Variants in ARL6IP6 observed in about 807,000 individuals in gnomAD.
ARL6IP6 encodes ADP-ribosylation factor-like protein 6-interacting protein 6.
Under a neutral mutation model 21.5 loss-of-function variants are expected in ARL6IP6, and 22 were observed. The ratio of observed to expected loss-of-function variants is 1.02; its 90% CI spans 0.73 to 1.46. ARL6IP6 has a LOEUF of 1.46. Among genes scored for constraint, ARL6IP6 ranks in the 40% most tolerant of loss-of-function variants. The probability of loss-of-function intolerance (pLI) is 0.00; values close to 1 mark genes in which losing one functional copy is unlikely to be tolerated. For missense variants in ARL6IP6, 388 were observed against 299.8 expected, an observed-to-expected ratio of 1.29 and a Z score of -2.17; for synonymous variants, 164 against 125.3, an observed-to-expected ratio of 1.31 and a Z score of -2.06.
At chr2:152,736,346 A>G (rs1243369331) in intron 3 of ARL6IP6, among the ~76,000 whole-genome samples, 2 of 152,208 alleles carry the variant, frequency 1.3e-5, no homozygotes, top group Non-Finnish European at 1.5e-5. Context: ...ACTTCCCTGA[A>G]TTCTAGCCAC....
intron 3 of ARL6IP6, among the ~76,000 whole-genome samples, chr2:152,737,257 A>T (rs1256544992): frequency 6.6e-6 from 1 of 152,138 alleles, no homozygotes; most frequent in Non-Finnish European, 1.5e-5. Flanking sequence ...TCCCTGGATT[A>T]TCATTTTCCC....
rs375480877 is a variant in ARL6IP6 at position 152,720,504 on chromosome 2, C to T, written c.401-29C>T. 37 of 1,606,124 alleles carry T rather than the reference C, an allele frequency of 2.3e-5. No individual in the cohort carries two copies. The African/African-American group carries it at 4.8e-4, about 21-fold the overall frequency. On this transcript the variant is annotated intron_variant, in intron 1 of 3. Transcript: ENST00000326446. ...ACTTTTCAAATTATAGTATTGCTTT[C>T]CTACCTAAGTCCCTCTTTGTATTTG...
rs1320590828 is a variant in ARL6IP6 at position 152,761,570 on chromosome 2, C to T, written c.*1730C>T. Among the ~76,000 whole-genome samples, 1 of 152,162 alleles carries T rather than the reference C, an allele frequency of 6.6e-6. No homozygotes were observed. Among genetic ancestry groups the T allele is most frequent in the Non-Finnish European group, 1.5e-5 (1 of 68,036 alleles). On this transcript the variant is annotated 3_prime_UTR_variant, in exon 4 of 4. Transcript: ENST00000326446. Reference sequence around the variant, plus strand: ...ATGTACACCCTAGACAGTCATGTGCCATATAACAACGTTTTGGTCACAACG... The same window carrying T: ...ATGTACACCCTAGACAGTCATGTGCTATATAACAACGTTTTGGTCACAACG...
chr2:152,718,622 G>C lies in ARL6IP6; in HGVS notation c.-3G>C. The C allele has an allele frequency of 6.6e-7, 1 of 1,518,908 alleles. No homozygotes were observed. The highest frequency in any genetic ancestry group is 8.8e-7 in the Non-Finnish European group (1 of 1,132,896). The allele number at this position is 1,518,908 out of a possible 1,614,324, so 94.1% of individuals were successfully genotyped here. A position where few individuals can be genotyped will look rare whatever the true frequency, so the allele number is the denominator to read the frequency against. On this transcript the variant is annotated 5_prime_UTR_variant, in exon 1 of 4. Coordinates refer to ENST00000326446, the MANE Select transcript of ARL6IP6 (RefSeq NM_152522.7). ...CTCCGCGGGTTTCGTTGTGTTTCGCGCCATGTCGTTTGCTGAGAGCGGGTG... is the reference window on the plus strand; with the variant it reads ...CTCCGCGGGTTTCGTTGTGTTTCGCCCCATGTCGTTTGCTGAGAGCGGGTG...
At chr2:152,735,835 A>G (rs999960856) in intron 3 of ARL6IP6, among the ~76,000 whole-genome samples, 2 of 148,000 alleles carry the variant, frequency 1.4e-5, no homozygotes, top group African/African-American at 2.5e-5. Context: ...AATACTTACT[A>G]TTGTTACTAC....
intron 3 of ARL6IP6, among the ~76,000 whole-genome samples, chr2:152,741,143 C>T (rs1416146770): frequency 6.6e-6 from 1 of 151,874 alleles, no homozygotes; most frequent in Non-Finnish European, 1.5e-5. Context: ...TTAATGTAAG[C>T]ATTTTTCCTA....
chr2:152,740,003 G>C lies in ARL6IP6; in HGVS notation c.587+4877G>C, dbSNP rs1211726945. 3.3e-5 allele frequency among the ~76,000 whole-genome samples: 5 copies of C among 152,280 alleles called. No homozygotes were observed. In the South Asian group the frequency reaches 6.2e-4, roughly 19 times the overall value. On this transcript the variant is annotated intron_variant, in intron 3 of 3. Transcript: ENST00000326446. ...CCATGATTCAATTACCTCCCACCAG[G>C]TCCCTCCCATGACGTGGGGATTATG...
intron 1 of ARL6IP6, 88 bp from the exon 2 acceptor site, chr2:152,720,445 C>A (rs771280532): frequency 7.5e-7 from 1 of 1,335,034 alleles, no homozygotes; most frequent in Non-Finnish European, 1.1e-6. Context: ...GAGCACTTTC[C>A]ACAGCTCCAC....
Position 152,718,973 on chromosome 2 carries a change from TTCGCCATTCTTCTCGCCTTCCTCC to T in ARL6IP6, c.357_380del (p.Leu120_Ile127del). ...CCTCTCTATTCTCTGCTCGCTGCTC[TTCGCCATTCTTCTCGCCTTCCTCC>T]TCGCCATCGCCTACTTGATCGTTAA... On this transcript the variant is annotated inframe_deletion, in exon 1 of 4. Coordinates refer to ENST00000326446, the MANE Select transcript of ARL6IP6 (RefSeq NM_152522.7). 9 of 1,591,754 alleles carry T rather than the reference TTCGCCATTCTTCTCGCCTTCCTCC, an allele frequency of 5.7e-6. No individual in the cohort carries two copies. Among genetic ancestry groups the T allele is most frequent in the Non-Finnish European group, 7.7e-6 (9 of 1,167,286 alleles).
chr2:152,741,930 T>G (rs934824247), intron 3 of ARL6IP6, among the ~76,000 whole-genome samples: 1 of 152,228 alleles, frequency 6.6e-6, no homozygotes, highest in Admixed American at 6.5e-5. Flanking sequence ...TGGTTGTTAT[T>G]AAAGGTTTGT....
intron 3 of ARL6IP6, 111 bp downstream of exon 3, chr2:152,735,237 T>C: frequency 1.7e-6 from 2 of 1,166,064 alleles, no homozygotes; most frequent in Non-Finnish European, 2.4e-6. Flanking sequence ...TTTCAGTCTT[T>C]ATAAAGCACT....
At chr2:152,730,003 T>C (rs1700231475) in intron 2 of ARL6IP6, among the ~76,000 whole-genome samples, 1 of 152,208 alleles carries the variant, frequency 6.6e-6, no homozygotes, top group African/African-American at 2.4e-5. Context: ...GCTTTTCTGC[T>C]TATTTGCAAA....
Position 152,761,590 on chromosome 2 carries a change from A to G in ARL6IP6, c.*1750A>G, listed in dbSNP as rs1701846687. Among the ~76,000 whole-genome samples, 1 of 152,204 alleles carries G rather than the reference A, an allele frequency of 6.6e-6. No homozygotes were observed. The highest frequency in any genetic ancestry group is 1.5e-5 in the Non-Finnish European group (1 of 68,046). On this transcript the variant is annotated 3_prime_UTR_variant, in exon 4 of 4. Coordinates refer to ENST00000326446, the MANE Select transcript of ARL6IP6 (RefSeq NM_152522.7). ...TGTGCCATATAACAACGTTTTGGTC[A>G]CAACGAACTGTACTTATGATAGTGA...
At chr2:152,718,522 AG>A, upstream of ARL6IP6, 2 of 1,459,750 alleles carry the variant, frequency 1.4e-6, no homozygotes, top group Non-Finnish European at 9.1e-7. Context: ...CTGGGCTCTG[AG>A]GCCTGGTGGT....
At chr2:152,731,610 A>T (rs1170301495) in intron 2 of ARL6IP6, among the ~76,000 whole-genome samples, 1 of 152,076 alleles carries the variant, frequency 6.6e-6, no homozygotes, top group Non-Finnish European at 1.5e-5. Context: ...ACCTGACTGA[A>T]TTTTTTTATT....
At chr2:152,725,719 A>G (rs1239142387) in intron 2 of ARL6IP6, among the ~76,000 whole-genome samples, 1 of 152,034 alleles carries the variant, frequency 6.6e-6, no homozygotes, top group Non-Finnish European at 1.5e-5. Flanking sequence ...TGGAAGTGGT[A>G]TTTACAAGAT....
chr2:152,735,060 T>C lies in ARL6IP6; in HGVS notation c.521T>C (p.Val174Ala). 1.9e-6 allele frequency: 3 copies of C among 1,613,490 alleles called. No individual in the cohort carries two copies. The highest frequency in any genetic ancestry group is 2.5e-6 in the Non-Finnish European group (3 of 1,179,496). ...GFSCCSFSWT[V>A]TYFDSFEPGM... ...TCCTGTTGCAGCTTTTCTTGGACAG[T>C]GACTTACTTTGATTCTTTTGAACCA... is the stretch of plus-strand genomic sequence containing the variant. The change falls in exon 3 of 4, where the codon GTG becomes GCG. Residue 174 changes from valine to alanine, a missense_variant. Physicochemically the swap from Val to Ala is moderately conservative, Grantham distance 64. Coordinates refer to ENST00000326446, the MANE Select transcript of ARL6IP6 (RefSeq NM_152522.7).
chr2:152,752,846 G>T (rs373836596), intron 3 of ARL6IP6, among the ~76,000 whole-genome samples: 1 of 152,210 alleles, frequency 6.6e-6, no homozygotes, highest in South Asian at 2.1e-4. Flanking sequence ...GCTTTAAGAA[G>T]TGTGCCTTAA....
At chr2:152,723,365 A>G (rs546656829) in intron 2 of ARL6IP6, among the ~76,000 whole-genome samples, 1 of 152,140 alleles carries the variant, frequency 6.6e-6, no homozygotes, top group African/African-American at 2.4e-5. Flanking sequence ...TTTATTAGGA[A>G]CCTCGTAGCC....
Sources: allele counts gnomAD v4.1 joint callset (sites outside exome capture counted in the v4.1 genomes callset), GRCh38; gene constraint gnomAD v4.1.1; transcripts MANE v1.5; gene names NCBI Gene and HGNC (gene_info 2026-07-23, HGNC 2026-07-21).